Variants in GPR12 observed in about 807,000 individuals in gnomAD.
GPR12 encodes the protein G protein-coupled receptor 12.
A neutral mutation model predicts 18.9 loss-of-function variants in GPR12; 7 were observed. The observed-to-expected ratio is 0.37, with a 90% confidence interval of 0.21 to 0.70. The LOEUF (loss-of-function observed/expected upper bound fraction) is 0.70, where lower values mean the gene tolerates loss of function less well. Ranked by LOEUF, GPR12 falls within the 30% of genes least tolerant of loss-of-function variation. GPR12 has a pLI of 0.54. For synonymous variants in GPR12, 201 were observed against 188.6 expected (o/e 1.07, Z -0.54); for missense variants, 327 against 427.7 (o/e 0.76, Z 2.08).
In GPR12 at chr13:26,758,905, ATCTC is replaced by A; in HGVS notation, c.919_922del (p.Glu307SerfsTer78). The A allele has an allele frequency of 6.2e-7, 1 of 1,614,064 alleles. No individual in the cohort carries two copies. Among genetic ancestry groups the A allele is most frequent in the Admixed American group, 1.7e-5 (1 of 60,016 alleles). ...GCAAATGAGACAGAGCGCTTTCTGG[ATCTC>A]TTGGTTTCTGAAAGCATATATGACA... is the stretch of plus-strand genomic sequence containing the variant. On this transcript the variant is annotated frameshift_variant, in exon 2 of 2. Coordinates refer to ENST00000405846, the MANE Select transcript of GPR12 (RefSeq NM_005288.4). LOFTEE classifies it high-confidence loss of function.
Position 26,757,122 on chromosome 13 carries a change from T to G in GPR12, c.*1701A>C, listed in dbSNP as rs140949151. 1 of 152,186 alleles carries G rather than the reference T, an allele frequency of 6.6e-6. No homozygotes were observed. The highest frequency in any genetic ancestry group is 1.5e-5 in the Non-Finnish European group (1 of 68,032). The allele number at this position is 152,186 out of a possible 1,614,324, so 9.4% of individuals were successfully genotyped here. On this transcript the variant is annotated 3_prime_UTR_variant, in exon 2 of 2. Coordinates refer to ENST00000405846, the MANE Select transcript of GPR12 (RefSeq NM_005288.4). ...TCAGTCCCTCTCCTGCTTCCATAAG[T>G]AACCTCAGGGAGGAGACACAGATTC...
Position 26,757,938 on chromosome 13 carries a change from T to G in GPR12, c.*885A>C, listed in dbSNP as rs1436914872. ...TTAATCTACTCTCAATTGCTAATAT[T>G]TTTTCCTTTTGTTTTCTGAAAACAA... On this transcript the variant is annotated 3_prime_UTR_variant, in exon 2 of 2. Coordinates refer to ENST00000405846, the MANE Select transcript of GPR12 (RefSeq NM_005288.4). The G allele has an allele frequency of 1.3e-5, 2 of 152,254 alleles. No individual in the cohort carries two copies. The highest frequency in any genetic ancestry group is 2.9e-5 in the Non-Finnish European group (2 of 68,042). 9.4% of individuals were successfully genotyped at this position (152,254 alleles called of 1,614,324 possible).
At position 26,758,723 on chromosome 13, in the gene GPR12, A is replaced by T; in HGVS notation, c.*100T>A. The T allele has an allele frequency of 1.4e-6, 2 of 1,469,772 alleles. No homozygotes were observed. The highest frequency in any genetic ancestry group is 1.8e-6 in the Non-Finnish European group (2 of 1,109,598). The allele number at this position is 1,469,772 out of a possible 1,614,324, so 91.0% of individuals were successfully genotyped here. A position where few individuals can be genotyped will look rare whatever the true frequency, so the allele number is the denominator to read the frequency against. ...GAATGCTAAGTGCTCCTGTGGCTTG[A>T]GAGGGAATCCAATGCAAGGAATTCA... On this transcript the variant is annotated 3_prime_UTR_variant, in exon 2 of 2. Transcript: ENST00000405846.
At position 26,758,402 on chromosome 13, in the gene GPR12, T is replaced by C. The variant is rs77388866; in HGVS notation, c.*421A>G. ...TCTACCATCATGTAAAAAAAAAAAA[T>C]AGTCTGGAAAAAGTAAGTCTTTCTC... On this transcript the variant is annotated 3_prime_UTR_variant, in exon 2 of 2. Transcript: ENST00000405846. 1.3e-5 allele frequency: 2 copies of C among 152,846 alleles called. No homozygotes were observed. The highest frequency in any genetic ancestry group is 3.9e-4 in the South Asian group (2 of 5,064). The allele number at this position is 152,846 out of a possible 1,614,324, so 9.5% of individuals were successfully genotyped here.
Position 26,759,485 on chromosome 13 carries a change from C to T in GPR12, c.343G>A (p.Val115Ile). Residue 115 changes from valine (V) to isoleucine (I), a missense_variant, in exon 2 of 2, where the codon GTC (valine) becomes ATC (isoleucine). Physicochemically the swap from Val to Ile is conservative, Grantham distance 29. Transcript: ENST00000405846. ...YLLQSEATKL[V>I]TIGLIVASFS... ...GAGGCGACAATGAGGCCGATCGTGA[C>T]CAGCTTGGTGGCTTCTGACTGAAGC... The T allele has an allele frequency of 6.2e-7, 1 of 1,614,178 alleles. No homozygotes were observed. The highest frequency in any genetic ancestry group is 8.5e-7 in the Non-Finnish European group (1 of 1,180,038).
Position 26,757,358 on chromosome 13 carries a change from G to T in GPR12, c.*1465C>A, listed in dbSNP as rs1194223415. The T allele has an allele frequency of 4.6e-5, 7 of 152,180 alleles. No individual in the cohort carries two copies. The highest frequency in any genetic ancestry group is 3.3e-4 in the Admixed American group (5 of 15,278). The allele number at this position is 152,180 out of a possible 1,614,324, so 9.4% of individuals were successfully genotyped here. ...ATGGGCTCAATTAATGTGCTGCCAAGAATTTTTTCCACTGATTATATAGAC... is the reference window on the plus strand; with the variant it reads ...ATGGGCTCAATTAATGTGCTGCCAATAATTTTTTCCACTGATTATATAGAC... On this transcript the variant is annotated 3_prime_UTR_variant, in exon 2 of 2. Transcript: ENST00000405846.
Position 26,759,342 on chromosome 13 carries a change from G to A in GPR12, c.486C>T (p.Val162=). 1 of 1,613,578 alleles carries A rather than the reference G, an allele frequency of 6.2e-7. No individual in the cohort carries two copies. The change falls in exon 2 of 2, where the codon GTC becomes GTT. Residue 162 remains valine (V), a synonymous_variant. Transcript: ENST00000405846. The part of the protein sequence containing the change: ...RTVTFTYVML[V]MLWGTSICLG... The stretch of plus-strand genomic sequence containing the variant: ...GGCAGATGGAGGTCCCCCAGAGCAT[G>A]ACGAGCATGACATAGGTAAACGTGA...
In GPR12 at chr13:26,756,552, A is replaced by C. The variant is rs1344766296; in HGVS notation, c.*2271T>G. Reference sequence around the variant, plus strand: ...GAACGTGTTACAAATCAGTTTCCTCAGCCCTGGTATCCACTGAGGGATGAA... The same window carrying C: ...GAACGTGTTACAAATCAGTTTCCTCCGCCCTGGTATCCACTGAGGGATGAA... On this transcript the variant is annotated 3_prime_UTR_variant, in exon 2 of 2. Coordinates refer to ENST00000405846, the MANE Select transcript of GPR12 (RefSeq NM_005288.4). 6.6e-6 allele frequency: 1 copy of C among 152,206 alleles called. No homozygotes were observed. The allele number at this position is 152,206 out of a possible 1,614,324, so 9.4% of individuals were successfully genotyped here. A position where few individuals can be genotyped will look rare whatever the true frequency, so the allele number is the denominator to read the frequency against.
Position 26,759,817 on chromosome 13 carries a change from T to A in GPR12, c.11A>T (p.Asp4Val), listed in dbSNP as rs753968448. 7.6e-6 allele frequency: 12 copies of A among 1,580,722 alleles called. No homozygotes were observed. Among genetic ancestry groups the A allele is most frequent in the Non-Finnish European group, 8.6e-6 (10 of 1,159,992 alleles). The change falls in exon 2 of 2, where the codon GAC becomes GTC. Residue 4 changes from aspartate to valine, a missense_variant. Transcript: ENST00000405846. ...CAGCCCGCTTAAATTGACCTTCAGG[T>A]CTTCATTCATTTTAACCCCTGTCCT... MNE[D>V]LKVNLSGLPR...
In GPR12 at chr13:26,759,799, C is replaced by T; in HGVS notation, c.29G>A (p.Ser10Asn). 3 of 1,594,178 alleles carry T rather than the reference C, an allele frequency of 1.9e-6. No individual in the cohort carries two copies. The highest frequency in any genetic ancestry group is 1.7e-6 in the Non-Finnish European group (2 of 1,165,720). ...ATCTAAATAATCCCGAGGCAGCCCG[C>T]TTAAATTGACCTTCAGGTCTTCATT... The part of the protein sequence containing the change: MNEDLKVNL[S>N]GLPRDYLDAA... Residue 10 changes from serine (S) to asparagine (N), a missense_variant, in exon 2 of 2, where the codon AGC (serine) becomes AAC (asparagine). Ser to Asn is a conservative substitution (Grantham distance 46). Transcript: ENST00000405846.
chr13:26,759,879 C>G (rs1312906292), intron 1 of GPR12, 37 bp from the exon 2 acceptor site: 1 of 1,516,862 alleles, frequency 6.6e-7, no homozygotes, highest in African/African-American at 1.4e-5. Context: ...TGTTTAAATA[C>G]AGCAGGGTGA....
Position 26,756,579 on chromosome 13 carries a change from G to C in GPR12, c.*2244C>G, listed in dbSNP as rs1671568502. ...CCCTGGTATCCACTGAGGGATGAAAGCTTGCAAGGTACAGGGAAGGAGCAA... is the reference window on the plus strand; with the variant it reads ...CCCTGGTATCCACTGAGGGATGAAACCTTGCAAGGTACAGGGAAGGAGCAA... On this transcript the variant is annotated 3_prime_UTR_variant, in exon 2 of 2. Coordinates refer to ENST00000405846, the MANE Select transcript of GPR12 (RefSeq NM_005288.4). The C allele has an allele frequency of 6.6e-6, 1 of 152,208 alleles. No homozygotes were observed. Among genetic ancestry groups the C allele is most frequent in the Non-Finnish European group, 1.5e-5 (1 of 68,042 alleles). 9.4% of individuals were successfully genotyped at this position (152,208 alleles called of 1,614,324 possible).
chr13:26,759,398 A>C lies in GPR12; in HGVS notation c.430T>G (p.Tyr144Asp). Residue 144 changes from tyrosine to aspartate, a missense_variant, in exon 2 of 2, where the codon TAC becomes GAC. Physicochemically the swap from Tyr to Asp is radical, Grantham distance 160. Transcript: ENST00000405846. The part of the protein sequence containing the change: ...ITVDRYLSLY[Y>D]ALTYHSERTV... ...CTCTCCGAATGGTACGTCAGAGCGTAGTACAGTGAGAGGTAGCGGTCAACA... is the reference window on the plus strand; with the variant it reads ...CTCTCCGAATGGTACGTCAGAGCGTCGTACAGTGAGAGGTAGCGGTCAACA... 1 of 1,614,058 alleles carries C rather than the reference A, an allele frequency of 6.2e-7. No homozygotes were observed.
In GPR12 at chr13:26,758,811, G is replaced by C; in HGVS notation, c.*12C>G. On this transcript the variant is annotated 3_prime_UTR_variant, in exon 2 of 2. Coordinates refer to ENST00000405846, the MANE Select transcript of GPR12 (RefSeq NM_005288.4). ...GCTTGGTAAATGCAGAGTCCTCCTG[G>C]GTGCAAGGGTGCTACACATCACTGG... The C allele has an allele frequency of 6.3e-7, 1 of 1,584,474 alleles. No individual in the cohort carries two copies. The highest frequency in any genetic ancestry group is 8.6e-7 in the Non-Finnish European group (1 of 1,161,846).
chr13:26,757,445 C>T lies in GPR12; in HGVS notation c.*1378G>A, dbSNP rs934743324. 6.6e-6 allele frequency: 1 copy of T among 152,190 alleles called. No homozygotes were observed. The highest frequency in any genetic ancestry group is 1.5e-5 in the Non-Finnish European group (1 of 68,030). 9.4% of individuals were successfully genotyped at this position (152,190 alleles called of 1,614,324 possible). A position where few individuals can be genotyped will look rare whatever the true frequency, so the allele number is the denominator to read the frequency against. The stretch of plus-strand genomic sequence containing the variant: ...CTGCGTCTACATTTGTCTGCATGAA[C>T]AGAAAAGAAACCTGAGACACATCGA... On this transcript the variant is annotated 3_prime_UTR_variant, in exon 2 of 2. Coordinates refer to ENST00000405846, the MANE Select transcript of GPR12 (RefSeq NM_005288.4).
At position 26,757,991 on chromosome 13, in the gene GPR12, G is replaced by A. The variant is rs1884406446; in HGVS notation, c.*832C>T. On this transcript the variant is annotated 3_prime_UTR_variant, in exon 2 of 2. Coordinates refer to ENST00000405846, the MANE Select transcript of GPR12 (RefSeq NM_005288.4). ...AGACAATAGCTTAAGAAACTACAAT[G>A]GTGGATCTAATCAATCCTACTTCAT... 6.6e-6 allele frequency: 1 copy of A among 152,022 alleles called. No homozygotes were observed. Among genetic ancestry groups the A allele is most frequent in the Non-Finnish European group, 1.5e-5 (1 of 68,018 alleles). 9.4% of individuals were successfully genotyped at this position (152,022 alleles called of 1,614,324 possible).
At chr13:26,760,128 G>GT (rs1402557794) in intron 1 of GPR12, 1 of 306,380 alleles carries the variant, frequency 3.3e-6, no homozygotes, top group East Asian at 5.8e-5. Context: ...GCGGCGGTCT[G>GT]TTTGCAACAG....
At position 26,758,688 on chromosome 13, in the gene GPR12, A is replaced by C; in HGVS notation, c.*135T>G. On this transcript the variant is annotated 3_prime_UTR_variant, in exon 2 of 2. Coordinates refer to ENST00000405846, the MANE Select transcript of GPR12 (RefSeq NM_005288.4). ...TCACTTAACTCATCTGAACGATGTC[A>C]TTGTTTCACGAATGCTAAGTGCTCC... 7.8e-7 allele frequency: 1 copy of C among 1,283,940 alleles called. No individual in the cohort carries two copies. Among genetic ancestry groups the C allele is most frequent in the Non-Finnish European group, 1.0e-6 (1 of 954,870 alleles). 79.5% of individuals were successfully genotyped at this position (1,283,940 alleles called of 1,614,324 possible).
chr13:26,759,789 A>T lies in GPR12; in HGVS notation c.39T>A (p.Pro13=). Residue 13 remains proline (P), a synonymous_variant, in exon 2 of 2, where the codon CCT becomes CCA. Transcript: ENST00000405846. The stretch of plus-strand genomic sequence containing the variant: ...CAGCAGCGGCATCTAAATAATCCCG[A>T]GGCAGCCCGCTTAAATTGACCTTCA... ...EDLKVNLSGL[P]RDYLDAAAAE... 1 of 1,599,212 alleles carries T rather than the reference A, an allele frequency of 6.3e-7. No homozygotes were observed.
Sources: gnomAD v4.1 joint callset for allele counts on GRCh38, gnomAD v4.1.1 for gene constraint, MANE v1.5 for transcripts, NCBI Gene and HGNC (gene_info 2026-07-23, HGNC 2026-07-21) for gene names.